Variants in CCDC38 observed in about 807,000 individuals in gnomAD.
The protein encoded by CCDC38 is coiled-coil domain-containing protein 38.
A neutral mutation model predicts 72.8 loss-of-function variants in CCDC38; 69 were observed. That is an observed-to-expected ratio of 0.95 (90% confidence interval 0.78 to 1.16). The LOEUF is 1.16. Among genes scored for constraint, CCDC38 ranks in the 50% most tolerant of loss-of-function variants. The pLI is 0.00. For synonymous variants in CCDC38, 201 were observed against 213.2 expected, an observed-to-expected ratio of 0.94 and a Z score of 0.50; for missense variants, 626 against 638.9, an observed-to-expected ratio of 0.98 and a Z score of 0.22.
intron 7 of CCDC38, 22 bp from the exon 8 acceptor site, chr12:95,895,168 A>G (rs754559921): frequency 2.5e-6 from 4 of 1,584,340 alleles, no homozygotes; most frequent in South Asian, 1.2e-5. Context: ...AAACAAAGAT[A>G]TGATTAGGTA....
intron 4 of CCDC38, among the ~76,000 whole-genome samples, chr12:95,908,340 C>T (rs2080038631): frequency 6.7e-6 from 1 of 149,212 alleles, no homozygotes. Flanking sequence ...CGCGCGCCTG[C>T]AATCGCAGGC....
At chr12:95,925,521 A>G (rs550167977) in intron 2 of CCDC38, among the ~76,000 whole-genome samples, 11 of 152,296 alleles carry the variant, frequency 7.2e-5, no homozygotes, top group Admixed American at 2.0e-4. Context: ...TCCTAATTGA[A>G]TACCCTTTAT....
intron 2 of CCDC38, among the ~76,000 whole-genome samples, chr12:95,925,371 G>T (rs1364246337): frequency 6.6e-6 from 1 of 152,156 alleles, no homozygotes; most frequent in Admixed American, 6.5e-5. Context: ...GAATGCTTGT[G>T]ATTTTTGCAC....
At chr12:95,902,170 C>T (rs1472859680) in intron 5 of CCDC38, among the ~76,000 whole-genome samples, 1 of 152,072 alleles carries the variant, frequency 6.6e-6, no homozygotes, top group East Asian at 1.9e-4. Flanking sequence ...TAGAAAAGAT[C>T]AGTAATTGTA....
At chr12:95,877,600 A>T (rs2079649448) in intron 13 of CCDC38, among the ~76,000 whole-genome samples, 1 of 152,220 alleles carries the variant, frequency 6.6e-6, no homozygotes, top group African/African-American at 2.4e-5. Flanking sequence ...CTCATCATTC[A>T]TTCAACAAAC....
At chr12:95,936,207 G>A (rs1284164027) in intron 2 of CCDC38, among the ~76,000 whole-genome samples, 6 of 152,158 alleles carry the variant, frequency 3.9e-5, no homozygotes, top group Non-Finnish European at 8.8e-5. Flanking sequence ...GTATGTCCTT[G>A]ACTATGACAA....
intron 2 of CCDC38, among the ~76,000 whole-genome samples, chr12:95,928,653 T>A (rs2080300203): frequency 6.6e-6 from 1 of 152,206 alleles, no homozygotes; most frequent in Non-Finnish European, 1.5e-5. Flanking sequence ...TTCTGTTTTT[T>A]CCCCATCTTT....
At chr12:95,943,223 T>A, upstream of CCDC38, 1 of 637,038 alleles carries the variant, frequency 1.6e-6, no homozygotes, top group Non-Finnish European at 2.5e-6. Flanking sequence ...TTGCAATGAT[T>A]ACCGCCCCCG....
chr12:95,871,491 G>C (rs2079579913), intron 14 of CCDC38, among the ~76,000 whole-genome samples: 1 of 152,088 alleles, frequency 6.6e-6, no homozygotes, highest in African/African-American at 2.4e-5. Context: ...ACAACTGTTT[G>C]TACTTAAAAG....
At chr12:95,938,924 T>A (rs1592814099) in intron 1 of CCDC38, among the ~76,000 whole-genome samples, 1 of 152,124 alleles carries the variant, frequency 6.6e-6, no homozygotes, top group Non-Finnish European at 1.5e-5. Context: ...TTCCAATAGA[T>A]GAAAAAGATC....
At chr12:95,870,090 C>T (rs1270395183) in intron 14 of CCDC38, among the ~76,000 whole-genome samples, 1 of 152,110 alleles carries the variant, frequency 6.6e-6, no homozygotes, top group African/African-American at 2.4e-5. Context: ...CTAAACATTT[C>T]AGCACTTTAC....
intron 2 of CCDC38, chr12:95,933,884 A>G (rs1157198204): frequency 1.3e-5 from 2 of 152,196 alleles, no homozygotes; most frequent in African/African-American, 4.8e-5. Flanking sequence ...ATGAATCTTA[A>G]AATATAATGT....
At chr12:95,937,256 C>T (rs2080404298) in intron 1 of CCDC38, among the ~76,000 whole-genome samples, 1 of 152,176 alleles carries the variant, frequency 6.6e-6, no homozygotes, top group Non-Finnish European at 1.5e-5. Flanking sequence ...CCTCACTCTA[C>T]TCACCCAAAT....
Position 95,918,937 on chromosome 12 carries a change from T to C in CCDC38, c.77A>G (p.Tyr26Cys), listed in dbSNP as rs1371245565. Residue 26 changes from tyrosine (Y) to cysteine (C), a missense_variant, in exon 3 of 16, where the codon TAT becomes TGT. Coordinates refer to ENST00000344280, the MANE Select transcript of CCDC38 (RefSeq NM_182496.3). Reference protein sequence around the residue: ...KDGSTKEDRPYKIFFRDLFLV... With the variant: ...KDGSTKEDRPCKIFFRDLFLV... ...AAAGAGATCTCTGAAAAAGATCTTA[T>C]AAGGCCTGTCCTCTTTGGTTGAGCC... 14 of 1,612,356 alleles carry C rather than the reference T, an allele frequency of 8.7e-6. No homozygotes were observed. The East Asian group carries it at 1.1e-4, about 13-fold the overall frequency.
chr12:95,875,690 C>A (rs778293693), intron 13 of CCDC38, among the ~76,000 whole-genome samples: 1 of 152,184 alleles, frequency 6.6e-6, no homozygotes, highest in Non-Finnish European at 1.5e-5. Context: ...TTCACCTCCC[C>A]TTCCCCACCC....
rs567291978 is a variant in CCDC38 at position 95,888,103 on chromosome 12, C to T, written c.920+355G>A. 2.0e-4 allele frequency among the ~76,000 whole-genome samples: 30 copies of T among 152,054 alleles called. No homozygotes were observed. In the South Asian group the frequency reaches 5.8e-3, roughly 30 times the overall value. ...AATTAAGTGAGGGGGAAAACAACAA[C>T]AAAAAAATACTTTATGATCCTAATT... On this transcript the variant is annotated intron_variant, in intron 10 of 15. Transcript: ENST00000344280.
At chr12:95,923,503 A>G (rs1418622380) in intron 2 of CCDC38, among the ~76,000 whole-genome samples, 4 of 151,940 alleles carry the variant, frequency 2.6e-5, no homozygotes, top group African/African-American at 7.3e-5. Flanking sequence ...GAAACTCTAC[A>G]AACTTAGATT....
intron 1 of CCDC38, among the ~76,000 whole-genome samples, chr12:95,941,326 A>T (rs1244133393): frequency 6.6e-6 from 1 of 152,250 alleles, no homozygotes; most frequent in Admixed American, 6.5e-5. Flanking sequence ...TAGCAGGATT[A>T]AAACACACGA....
chr12:95,902,537 T>C lies in CCDC38; in HGVS notation c.370-3806A>G, dbSNP rs117230944. ...CTATTTTAAGAGTCATCCATGTTGGTAGAATATCCATAACTAATTCCTTTT... is the reference window on the plus strand; with the variant it reads ...CTATTTTAAGAGTCATCCATGTTGGCAGAATATCCATAACTAATTCCTTTT... On this transcript the variant is annotated intron_variant, in intron 5 of 15. Coordinates refer to ENST00000344280, the MANE Select transcript of CCDC38 (RefSeq NM_182496.3). Among the ~76,000 whole-genome samples, 1,011 of 152,340 alleles carry C rather than the reference T, an allele frequency of 6.6e-3. 8 individuals carry two copies. Among genetic ancestry groups the C allele is most frequent in the Middle Eastern group, 0.017 (5 of 292 alleles).
Sources: gnomAD v4.1 joint callset for allele counts (sites outside exome capture counted in the v4.1 genomes callset) on GRCh38, gnomAD v4.1.1 for gene constraint, MANE v1.5 for transcripts, NCBI Gene and HGNC (gene_info 2026-07-23, HGNC 2026-07-21) for gene names.